Variants in VMA12 observed in about 807,000 individuals in gnomAD.
VMA12 encodes the protein vacuolar ATPase assembly protein VMA12.
At chr17:28,357,695 G>T in the VMA12 span, 2 of 1,612,748 alleles carry the variant, frequency 1.2e-6, no homozygotes, top group Non-Finnish European at 1.7e-6. Context: ...GCTTGCGGGC[G>T]AGCGATTGGT....
chr17:28,361,007 G>C, the VMA12 span: 4 of 906,302 alleles, frequency 4.4e-6, no homozygotes, highest in Non-Finnish European at 6.9e-6. Context: ...GGGAGGTTAG[G>C]TAATAACCCC....
the VMA12 span, chr17:28,358,969 G>A: frequency 6.2e-7 from 1 of 1,612,918 alleles, no homozygotes; most frequent in East Asian, 2.2e-5. Context: ...CTATCTCCCA[G>A]AGGTTGTGAA....
At chr17:28,361,423 CA>C in the VMA12 span, 1 of 619,140 alleles carries the variant, frequency 1.6e-6, no homozygotes, top group African/African-American at 1.8e-5. Context: ...TGTGAATTTC[CA>C]AAGGGAGCAT....
At chr17:28,358,351 T>C in the VMA12 span, 1 of 468,090 alleles carries the variant, frequency 2.1e-6, no homozygotes, top group Admixed American at 2.4e-5. Context: ...GGCCTGAGAG[T>C]AGCATGTGAG....
chr17:28,358,854 T>G, the VMA12 span: 1 of 1,387,188 alleles, frequency 7.2e-7, no homozygotes, highest in Non-Finnish European at 1.0e-6. Context: ...ACACCCCTCT[T>G]GATCTTAACC....
At chr17:28,363,419 G>A in the VMA12 span, 1 of 152,094 alleles carries the variant, frequency 6.6e-6, no homozygotes, top group African/African-American at 2.4e-5. Context: ...GTGGAACCTG[G>A]CCCTATTTAG....
the VMA12 span, chr17:28,360,623 G>T: frequency 6.2e-7 from 1 of 1,608,824 alleles, no homozygotes; most frequent in South Asian, 1.1e-5. Context: ...GATGGGTCAT[G>T]ACACTCAGGC....
chr17:28,358,841 G>T, the VMA12 span: 1 of 1,179,296 alleles, frequency 8.5e-7, no homozygotes, highest in Non-Finnish European at 1.2e-6. Flanking sequence ...AGAAAGAAGG[G>T]CTACACCCCT....
chr17:28,360,440 T>C, the VMA12 span: 4 of 1,139,026 alleles, frequency 3.5e-6, no homozygotes, highest in Admixed American at 6.4e-5. Context: ...AGTTAATATG[T>C]TGGGGAATAG....
chr17:28,363,432 A>G, the VMA12 span: 1 of 151,846 alleles, frequency 6.6e-6, no homozygotes, highest in Non-Finnish European at 1.5e-5. Flanking sequence ...CTATTTAGGG[A>G]TTAGGTGATG....
the VMA12 span, chr17:28,359,620 A>G: frequency 2.9e-6 from 1 of 342,834 alleles, no homozygotes; most frequent in South Asian, 4.1e-5. Context: ...TAGAAGTGGG[A>G]GTTAGCCGGG....
chr17:28,361,084 C>T, the VMA12 span: 1 of 1,452,654 alleles, frequency 6.9e-7, no homozygotes, highest in South Asian at 1.2e-5. Flanking sequence ...GCTCTCCATC[C>T]TCATTAAAGT....
chr17:28,359,827 C>T, the VMA12 span, among the ~76,000 whole-genome samples: 1 of 152,062 alleles, frequency 6.6e-6, no homozygotes, highest in Non-Finnish European at 1.5e-5. Flanking sequence ...ATCACTTGAA[C>T]CCAGGAGGCG....
the VMA12 span, chr17:28,359,108 T>G: frequency 2.9e-5 from 31 of 1,068,270 alleles, no homozygotes; most frequent in Non-Finnish European, 3.8e-5. Flanking sequence ...CTTTGGGATC[T>G]GGGGGAGCCA....
At chr17:28,359,190 A>T in the VMA12 span, 2 of 1,013,564 alleles carry the variant, frequency 2.0e-6, no homozygotes, top group Non-Finnish European at 2.9e-6. Flanking sequence ...AAAGCACTGG[A>T]GTTACGACTA....
the VMA12 span, chr17:28,358,909 T>A: frequency 6.2e-7 from 1 of 1,605,680 alleles, no homozygotes; most frequent in Non-Finnish European, 8.5e-7. Flanking sequence ...AAACCTTTTC[T>A]TCTCAGATTC....
At chr17:28,360,974 C>T in the VMA12 span, 1 of 931,866 alleles carries the variant, frequency 1.1e-6, no homozygotes, top group Non-Finnish European at 1.7e-6. Flanking sequence ...ATAAGGGGAG[C>T]ATTAGAGCTT....
the VMA12 span, chr17:28,361,302 C>G: frequency 6.4e-7 from 1 of 1,569,010 alleles, no homozygotes; most frequent in Non-Finnish European, 8.8e-7. Flanking sequence ...CTTCAGGCTC[C>G]AATTGGCAGT....
At chr17:28,358,464 A>C in the VMA12 span, 1 of 472,508 alleles carries the variant, frequency 2.1e-6, no homozygotes, top group African/African-American at 2.0e-5. Context: ...AAACTAGCAC[A>C]TAAGGTATTT....
Sources: allele counts gnomAD v4.1 joint callset (sites outside exome capture counted in the v4.1 genomes callset), GRCh38; gene constraint gnomAD v4.1.1; transcripts MANE v1.5; gene names NCBI Gene and HGNC (gene_info 2026-07-23, HGNC 2026-07-21).